The following ATG7 variants were observed in gnomAD, a reference collection of about 807,000 sequenced individuals.
ATG7 encodes the protein autophagy related 7, also known as ubiquitin-like modifier-activating enzyme ATG7.
In ATG7, 70 loss-of-function variants were observed where a neutral mutation model predicts 82.4. The observed-to-expected ratio is 0.85, with a 90% CI of 0.70 to 1.04. ATG7 has a LOEUF of 1.04. Ranked by LOEUF, ATG7 falls within the 50% of genes least tolerant of loss-of-function variation. The probability of loss-of-function intolerance (pLI) is 0.00; values close to 1 mark genes in which losing one functional copy is unlikely to be tolerated. For missense variants in ATG7, 792 were observed against 864.3 expected, an observed-to-expected ratio of 0.92 and a Z score of 1.05; for synonymous variants, 287 against 313.0, an observed-to-expected ratio of 0.92 and a Z score of 0.88.
intron 20 of ATG7, among the ~76,000 whole-genome samples, chr3:11,512,634 G>A (rs2454486): frequency 0.73 from 110,259 of 152,074 alleles, 40,953 homozygotes; most frequent in East Asian, 0.97. Flanking sequence ...TCGTGGTCTC[G>A]CTGGCTTCAG....
Position 11,402,241 on chromosome 3 carries a change from A to G in ATG7, c.1956+22189A>G, listed in dbSNP as rs550126088. 2.4e-4 allele frequency among the ~76,000 whole-genome samples: 37 copies of G among 152,250 alleles called. No homozygotes were observed. In the South Asian group the frequency reaches 3.5e-3, roughly 14 times the overall value. On this transcript the variant is annotated intron_variant, in intron 19 of 20. Coordinates refer to ENST00000693202, the MANE Select transcript of ATG7 (RefSeq NM_001349232.2). Reference sequence around the variant, plus strand: ...GAGGTCAGAAGTTCGAAACCAGCCTAGCCAACATGGTGAAACCCGGTTTCT... The same window carrying G: ...GAGGTCAGAAGTTCGAAACCAGCCTGGCCAACATGGTGAAACCCGGTTTCT...
In ATG7 at chr3:11,319,527, T is replaced by G. The variant is rs574834225; in HGVS notation, c.678+4034T>G. ...GTTTCTCTTCTGGGTTATCTCATTG[T>G]GCCTACAACTCCAGAAACCATTTCC... On this transcript the variant is annotated intron_variant, in intron 9 of 20. Transcript: ENST00000693202. Among the ~76,000 whole-genome samples, 105 of 152,350 alleles carry G rather than the reference T, an allele frequency of 6.9e-4. 5 individuals are homozygous for G. Among genetic ancestry groups the G allele is most frequent in the Non-Finnish European group, 2.9e-4 (20 of 68,032 alleles).
chr3:11,359,775 C>T (rs955968141), intron 15 of ATG7, among the ~76,000 whole-genome samples: 2 of 151,584 alleles, frequency 1.3e-5, no homozygotes, highest in Non-Finnish European at 2.9e-5. Context: ...CCTGTAATTC[C>T]AGCTACTGGG....
chr3:11,459,969 G>A (rs1007778899), intron 20 of ATG7, among the ~76,000 whole-genome samples: 3 of 152,186 alleles, frequency 2.0e-5, no homozygotes, highest in Admixed American at 2.0e-4. Context: ...CTTATCCACT[G>A]CACCATACTG....
chr3:11,324,002 A>G (rs780040909), intron 9 of ATG7, among the ~76,000 whole-genome samples: 48 of 152,338 alleles, frequency 3.2e-4, no homozygotes, highest in Non-Finnish European at 4.3e-4. Flanking sequence ...TCTTTCTCAC[A>G]GTGTACTTTT....
Position 11,499,453 on chromosome 3 carries a change from A to C in ATG7, c.2080-55358A>C, listed in dbSNP as rs143289860. Among the ~76,000 whole-genome samples the C allele has an allele frequency of 7.2e-4, 110 of 152,248 alleles. 1 individual carries two copies. The highest frequency in any genetic ancestry group is 2.6e-3 in the African/African-American group (107 of 41,562). ...TAGTATCATGTTGCTTTCCTTGAAA[A>C]TCTAAAATACGGCCAGGCGCAGTGG... On this transcript the variant is annotated intron_variant, in intron 20 of 20. Transcript: ENST00000693202.
intron 20 of ATG7, among the ~76,000 whole-genome samples, chr3:11,520,059 C>T (rs964957120): frequency 6.6e-6 from 1 of 152,104 alleles, no homozygotes; most frequent in African/African-American, 2.4e-5. Context: ...CGTCCCATCC[C>T]CCAGATGGCA....
chr3:11,430,181 G>A (rs530538273), intron 20 of ATG7, among the ~76,000 whole-genome samples: 1 of 152,068 alleles, frequency 6.6e-6, no homozygotes, highest in Non-Finnish European at 1.5e-5. Context: ...ACTCTGAATA[G>A]GACTGTGTTT....
intron 20 of ATG7, among the ~76,000 whole-genome samples, chr3:11,503,279 A>G (rs866649986): frequency 6.6e-6 from 1 of 152,196 alleles, no homozygotes; most frequent in Non-Finnish European, 1.5e-5. Flanking sequence ...CCAGATGTCT[A>G]ACTCAAAAAA....
chr3:11,404,977 A>C, intron 19 of ATG7, among the ~76,000 whole-genome samples: 1 of 152,194 alleles, frequency 6.6e-6, no homozygotes, highest in Non-Finnish European at 1.5e-5. Flanking sequence ...ATCATATCAC[A>C]TATTTTCTAG....
chr3:11,505,462 T>A (rs2153068072), intron 20 of ATG7, among the ~76,000 whole-genome samples: 1 of 152,338 alleles, frequency 6.6e-6, no homozygotes, highest in Non-Finnish European at 1.5e-5. Flanking sequence ...CTATTACTAT[T>A]TTTGGTTATT....
chr3:11,293,093 T>G (rs752913086), intron 3 of ATG7, among the ~76,000 whole-genome samples: 1 of 152,208 alleles, frequency 6.6e-6, no homozygotes, highest in Non-Finnish European at 1.5e-5. Flanking sequence ...GGAAAATATA[T>G]GTTGAATTTT....
chr3:11,407,011 A>G (rs1376115784), intron 19 of ATG7, among the ~76,000 whole-genome samples: 1 of 152,226 alleles, frequency 6.6e-6, no homozygotes, highest in Non-Finnish European at 1.5e-5. Context: ...CAAAGTCTCA[A>G]CTAATTTCAG....
At chr3:11,531,504 A>G (rs1183345938) in intron 20 of ATG7, among the ~76,000 whole-genome samples, 1 of 152,202 alleles carries the variant, frequency 6.6e-6, no homozygotes, top group Non-Finnish European at 1.5e-5. Flanking sequence ...GATTTCCTTA[A>G]GCCCAAGGGG....
intron 20 of ATG7, among the ~76,000 whole-genome samples, chr3:11,454,759 C>T (rs1394752104): frequency 6.6e-6 from 1 of 152,140 alleles, no homozygotes; most frequent in Non-Finnish European, 1.5e-5. Flanking sequence ...GAAGGAAGCT[C>T]AGTGTGTGTT....
chr3:11,395,681 C>G (rs187755984), intron 19 of ATG7, among the ~76,000 whole-genome samples: 42 of 152,154 alleles, frequency 2.8e-4, no homozygotes, highest in African/African-American at 9.7e-4. Flanking sequence ...TGGCTCACGC[C>G]TGTAATCCCA....
At chr3:11,466,137 G>A (rs1256021618) in intron 20 of ATG7, among the ~76,000 whole-genome samples, 2 of 152,224 alleles carry the variant, frequency 1.3e-5, no homozygotes, top group African/African-American at 4.8e-5. Context: ...AAGAACTCCA[G>A]CATTGAGGCT....
intron 19 of ATG7, among the ~76,000 whole-genome samples, chr3:11,422,477 A>T (rs1367806804): frequency 6.6e-6 from 1 of 152,182 alleles, no homozygotes; most frequent in South Asian, 2.1e-4. Context: ...CCTTCATAGA[A>T]GTAAAGGGAC....
At chr3:11,353,375 C>T (rs746011244) in intron 14 of ATG7, among the ~76,000 whole-genome samples, 14 of 152,040 alleles carry the variant, frequency 9.2e-5, no homozygotes, top group African/African-American at 1.7e-4. Context: ...AACTGAGAGG[C>T]GGAGGTTGCA....
Sources: allele counts gnomAD v4.1 joint callset (sites outside exome capture counted in the v4.1 genomes callset), GRCh38; gene constraint gnomAD v4.1.1; transcripts MANE v1.5; gene names NCBI Gene and HGNC (gene_info 2026-07-23, HGNC 2026-07-21).